The following NEBL variants were observed in gnomAD, a reference collection of about 807,000 sequenced individuals.
NEBL encodes the protein nebulette, also known as LIM and SH3 protein 2.
NEBL carries 122 observed loss-of-function variants against 140.2 expected under a neutral mutation model. That is an observed-to-expected ratio of 0.87 (90% CI 0.75 to 1.01). NEBL has a LOEUF of 1.01. Ranked by LOEUF, NEBL falls within the 50% of genes least tolerant of loss-of-function variation. NEBL has a pLI of 0.00. For synonymous variants in NEBL, 436 were observed against 398.9 expected (o/e 1.09, Z -1.11); for missense variants, 1,365 against 1,231.3 (o/e 1.11, Z -1.62).
chr10:21,029,172 T>A (rs1173213259), intron 2 of NEBL: 2 of 1,349,838 alleles, frequency 1.5e-6, no homozygotes, highest in East Asian at 4.6e-5. Context: ...GACACAGTAA[T>A]GATAACAATG....
At chr10:21,112,916 AGAG>A (rs1261519618) in intron 2 of NEBL, 2 of 385,298 alleles carry the variant, frequency 5.2e-6, no homozygotes, top group Admixed American at 2.7e-5. Flanking sequence ...CAGAAGACGA[AGAG>A]GAGGAGGATG....
intron 2 of NEBL, among the ~76,000 whole-genome samples, chr10:21,127,122 CT>C (rs1291077274): frequency 6.6e-6 from 1 of 152,076 alleles, no homozygotes; most frequent in Admixed American, 6.5e-5. Context: ...TCCTTTCCCT[CT>C]TCCCAAAAAA....
At chr10:21,124,719 G>A (rs964219852) in intron 2 of NEBL, among the ~76,000 whole-genome samples, 11 of 152,236 alleles carry the variant, frequency 7.2e-5, no homozygotes, top group African/African-American at 2.7e-4. Flanking sequence ...TTGGGAGGCT[G>A]AGGTGGGAGG....
At chr10:21,099,244 C>T (rs1055499214) in intron 2 of NEBL, among the ~76,000 whole-genome samples, 4 of 152,146 alleles carry the variant, frequency 2.6e-5, no homozygotes, top group Non-Finnish European at 5.9e-5. Flanking sequence ...CTAAAAGTGA[C>T]GGGTATGAAT....
intron 2 of NEBL, chr10:21,112,807 C>A: frequency 4.9e-6 from 1 of 203,768 alleles, no homozygotes; most frequent in Non-Finnish European, 1.0e-5. Flanking sequence ...CCCTTGGGGG[C>A]TTTGAAATTA....
chr10:20,933,912 A>C (rs1432000644), intron 4 of NEBL, among the ~76,000 whole-genome samples: 1 of 152,118 alleles, frequency 6.6e-6, no homozygotes, highest in Non-Finnish European at 1.5e-5. Context: ...CTTATCACCA[A>C]CTATTAGGAG....
At chr10:21,146,287 G>GA (rs1839887743) in intron 2 of NEBL, 1 of 1,391,754 alleles carries the variant, frequency 7.2e-7, no homozygotes, top group African/African-American at 1.4e-5. Flanking sequence ...ATCACCACGT[G>GA]GCCCTGTCTC....
intron 2 of NEBL, among the ~76,000 whole-genome samples, chr10:21,169,057 AAAAAAAAAAAATATATATATATATATAT>A (rs1193515921): frequency 2.3e-5 from 1 of 43,654 alleles, no homozygotes; most frequent in African/African-American, 7.9e-5. Context: ...TACAAAAAAA[AAAAAAAAAAAATATATATATATATATAT>A]ATATATATAT....
intron 3 of NEBL, among the ~76,000 whole-genome samples, chr10:20,990,237 C>A (rs1042491216): frequency 6.6e-6 from 1 of 152,062 alleles, no homozygotes; most frequent in African/African-American, 2.4e-5. Context: ...CAAAAGGGTC[C>A]ATGGCATACA....
chr10:20,839,525 C>A (rs969605087), intron 13 of NEBL, among the ~76,000 whole-genome samples: 2 of 152,120 alleles, frequency 1.3e-5, no homozygotes, highest in African/African-American at 4.8e-5. Flanking sequence ...TGATTTCCAT[C>A]ACCTCCCTAG....
At chr10:21,078,114 C>A (rs897256362) in intron 2 of NEBL, among the ~76,000 whole-genome samples, 2 of 151,802 alleles carry the variant, frequency 1.3e-5, no homozygotes, top group African/African-American at 4.8e-5. Context: ...TATGGGGGAT[C>A]GAAAATAAAA....
At chr10:20,956,178 A>G (rs1295168697) in intron 4 of NEBL, among the ~76,000 whole-genome samples, 3 of 152,224 alleles carry the variant, frequency 2.0e-5, no homozygotes, top group Non-Finnish European at 4.4e-5. Context: ...GAAACAAGAA[A>G]GGACCAAGAG....
intron 2 of NEBL, among the ~76,000 whole-genome samples, chr10:21,137,805 T>C (rs936065131): frequency 2.6e-5 from 4 of 151,718 alleles, no homozygotes; most frequent in Admixed American, 6.6e-5. Context: ...CAGCTGAGCA[T>C]TATGGTATGT....
At chr10:21,203,211 T>C (rs1841770936) in intron 3 of NEBL, among the ~76,000 whole-genome samples, 1 of 152,202 alleles carries the variant, frequency 6.6e-6, no homozygotes. Context: ...AGAACACGAC[T>C]AAGCTGTTCC....
chr10:21,184,507 G>T (rs1446098065), intron 3 of NEBL, among the ~76,000 whole-genome samples: 2 of 152,158 alleles, frequency 1.3e-5, no homozygotes, highest in Admixed American at 1.3e-4. Flanking sequence ...CCTTCAGCAT[G>T]AGTAATATTA....
chr10:21,142,565 A>G (rs1465252472), intron 2 of NEBL, among the ~76,000 whole-genome samples: 1 of 152,216 alleles, frequency 6.6e-6, no homozygotes, highest in Non-Finnish European at 1.5e-5. Context: ...TCTAAGGGAA[A>G]TTGTGGGATC....
At chr10:20,802,957 C>G (rs960911304) in intron 26 of NEBL, among the ~76,000 whole-genome samples, 6 of 152,020 alleles carry the variant, frequency 3.9e-5, no homozygotes, top group African/African-American at 1.4e-4. Flanking sequence ...AAATTTAAGC[C>G]TAATAAGGTT....
chr10:21,112,848 T>C (rs1837225930), intron 2 of NEBL: 1 of 250,150 alleles, frequency 4.0e-6, no homozygotes, highest in Admixed American at 4.2e-5. Context: ...GAAGTGTGGT[T>C]CAGGGCCTGT....
intron 1 of NEBL, among the ~76,000 whole-genome samples, chr10:21,277,024 G>C (rs188020309): frequency 4.6e-4 from 70 of 152,004 alleles, no homozygotes; most frequent in African/African-American, 1.4e-3. Flanking sequence ...AGCTACTTGG[G>C]AGGCTGAGGT....
Sources: gnomAD v4.1 joint callset for allele counts (sites outside exome capture counted in the v4.1 genomes callset) on GRCh38, gnomAD v4.1.1 for gene constraint, MANE v1.5 for transcripts, NCBI Gene and HGNC (gene_info 2026-07-23, HGNC 2026-07-21) for gene names.